TF: variants seen among roughly 807,000 people sequenced by gnomAD.
The protein encoded by TF is transferrin.
In TF, 55 loss-of-function variants were observed where a neutral mutation model predicts 82.4. The ratio of observed to expected loss-of-function variants is 0.67; its 90% CI spans 0.54 to 0.84. TF has a LOEUF of 0.84. TF is among the 40% of genes least tolerant of loss of function. The probability of loss-of-function intolerance (pLI) is 0.00; values close to 1 mark genes in which losing one functional copy is unlikely to be tolerated. For missense variants in TF, 737 were observed against 868.4 expected (o/e 0.85, Z 1.90); for synonymous variants, 332 against 332.6 (o/e 1.00, Z 0.02).
chr3:133,710,823 C>T, the TF span, among the ~76,000 whole-genome samples: 3,305 of 152,290 alleles, frequency 0.022, 38 homozygotes, highest in East Asian at 0.033. Flanking sequence ...GCAGCTCCTG[C>T]CTTCCTTCCC....
chr3:133,766,520 G>A (rs1025406853), intron 12 of TF, 87 bp downstream of exon 12: 1 of 1,564,180 alleles, frequency 6.4e-7, no homozygotes, highest in South Asian at 1.1e-5. Context: ...GGCATAAGGT[G>A]CTGTGGGCTC....
At chr3:133,769,246 C>T (rs2107928283) in intron 13 of TF, among the ~76,000 whole-genome samples, 1 of 152,268 alleles carries the variant, frequency 6.6e-6, no homozygotes, top group East Asian at 1.9e-4. Context: ...CCAGTTAGAG[C>T]CACTTTGTAA....
At chr3:133,743,602 C>G (rs1933433903), upstream of TF, among the ~76,000 whole-genome samples, 1 of 152,116 alleles carries the variant, frequency 6.6e-6, no homozygotes, top group Admixed American at 6.6e-5. Context: ...TCCTCAGTTT[C>G]CTTGTCTCAT....
At chr3:133,694,742 G>A in the TF span, among the ~76,000 whole-genome samples, 1 of 152,112 alleles carries the variant, frequency 6.6e-6, no homozygotes, top group Non-Finnish European at 1.5e-5. Flanking sequence ...CTCCCTCTCA[G>A]CCCCCTTGCA....
the TF span, among the ~76,000 whole-genome samples, chr3:133,670,807 G>A: frequency 6.6e-6 from 1 of 152,122 alleles, no homozygotes; most frequent in African/African-American, 2.4e-5. Context: ...AAATGTATGA[G>A]TAAGTGAAGG....
the TF span, among the ~76,000 whole-genome samples, chr3:133,671,035 C>G: frequency 6.6e-6 from 1 of 152,190 alleles, no homozygotes; most frequent in Non-Finnish European, 1.5e-5. Context: ...AGATACTTGG[C>G]ACAATTTGAA....
chr3:133,698,187 C>G, the TF span, among the ~76,000 whole-genome samples: 1 of 152,250 alleles, frequency 6.6e-6, no homozygotes, highest in Non-Finnish European at 1.5e-5. Flanking sequence ...CCTGCTCCCA[C>G]TCTGTAGAGT....
intron 6 of TF, 76 bp from the exon 7 acceptor site, chr3:133,756,755 T>C: frequency 6.4e-7 from 1 of 1,559,918 alleles, no homozygotes; most frequent in South Asian, 1.1e-5. Flanking sequence ...CTTTCTATGA[T>C]CAATTGAATT....
At chr3:133,699,118 G>A in the TF span, among the ~76,000 whole-genome samples, 4,678 of 152,356 alleles carry the variant, frequency 0.031, 97 homozygotes, top group Middle Eastern at 0.054. Context: ...ATGCAACAGA[G>A]CCTGGAGAGC....
the TF span, among the ~76,000 whole-genome samples, chr3:133,676,035 G>A: frequency 6.6e-6 from 1 of 152,162 alleles, no homozygotes; most frequent in Non-Finnish European, 1.5e-5. Context: ...GGGAGGAGCA[G>A]GCAGGACACA....
chr3:133,675,102 G>A, the TF span, among the ~76,000 whole-genome samples: 5 of 151,760 alleles, frequency 3.3e-5, no homozygotes, highest in African/African-American at 4.8e-5. Context: ...AAAATTAGCC[G>A]GGTGTGGTGG....
the TF span, among the ~76,000 whole-genome samples, chr3:133,715,388 G>A: frequency 6.6e-6 from 1 of 152,118 alleles, no homozygotes; most frequent in South Asian, 2.1e-4. Flanking sequence ...CTCCTACTGG[G>A]GTGAACTGGC....
At position 133,790,598 on chromosome 3, in the gene TF, G is replaced by A. The variant is rs1934807750; in HGVS notation, c.*11978G>A. On this transcript the variant is annotated 3_prime_UTR_variant, in exon 17 of 17. Transcript: ENST00000402696. ...TTTGGCTAATTAACATTTTCATAGTGAAAGCTGTTAGTCTTGATAAAAGTA... is the reference window on the plus strand; with the variant it reads ...TTTGGCTAATTAACATTTTCATAGTAAAAGCTGTTAGTCTTGATAAAAGTA... The A allele has an allele frequency of 6.6e-6, 1 of 152,228 alleles. No individual in the cohort carries two copies. Among genetic ancestry groups the A allele is most frequent in the Non-Finnish European group, 1.5e-5 (1 of 68,040 alleles). 9.4% of individuals were successfully genotyped at this position (152,228 alleles called of 1,614,324 possible). A position where few individuals can be genotyped will look rare whatever the true frequency, so the allele number is the denominator to read the frequency against.
chr3:133,754,972 C>G (rs768490868), intron 4 of TF, among the ~76,000 whole-genome samples: 1 of 152,240 alleles, frequency 6.6e-6, no homozygotes, highest in Admixed American at 6.5e-5. Context: ...GTCCACTTCT[C>G]TGGATTTCTT....
chr3:133,725,944 TATGCTGGATTAC>T, the TF span, among the ~76,000 whole-genome samples: 1 of 152,244 alleles, frequency 6.6e-6, no homozygotes, highest in African/African-American at 2.4e-5. Context: ...GTTCTGTTTA[TATGCTGGATTAC>T]ATTTATCAAT....
At chr3:133,746,373 C>A, upstream of TF, 1 of 1,533,248 alleles carries the variant, frequency 6.5e-7, no homozygotes, top group Non-Finnish European at 8.8e-7. Flanking sequence ...AATAAAGGGA[C>A]GCGGGGCGCC....
At chr3:133,732,079 GTGCACA>G in the TF span, among the ~76,000 whole-genome samples, 1 of 152,156 alleles carries the variant, frequency 6.6e-6, no homozygotes, top group Admixed American at 6.5e-5. Flanking sequence ...CTCAGGAGCT[GTGCACA>G]TGGGACTTAG....
In TF at chr3:133,793,617, A is replaced by G. The variant is rs1183314303; in HGVS notation, c.*14997A>G. The G allele has an allele frequency of 1.3e-5, 2 of 152,202 alleles. No homozygotes were observed. Among genetic ancestry groups the G allele is most frequent in the Non-Finnish European group, 2.9e-5 (2 of 68,012 alleles). 9.4% of individuals were successfully genotyped at this position (152,202 alleles called of 1,614,324 possible). A position where few individuals can be genotyped will look rare whatever the true frequency, so the allele number is the denominator to read the frequency against. Reference sequence around the variant, plus strand: ...TGAGTATATGCTATCAATCATAATTATGATTATTATGTTATTGTAGACCAC... The same window carrying G: ...TGAGTATATGCTATCAATCATAATTGTGATTATTATGTTATTGTAGACCAC... On this transcript the variant is annotated 3_prime_UTR_variant, in exon 17 of 17. Coordinates refer to ENST00000402696, the MANE Select transcript of TF (RefSeq NM_001063.4).
At chr3:133,751,487 T>TC (rs892635218) in intron 2 of TF, among the ~76,000 whole-genome samples, 13 of 152,176 alleles carry the variant, frequency 8.5e-5, no homozygotes, top group African/African-American at 2.9e-4. Flanking sequence ...CGTCTCGGCC[T>TC]CCCAAAGTTC....
Sources: allele counts gnomAD v4.1 joint callset (sites outside exome capture counted in the v4.1 genomes callset), GRCh38; gene constraint gnomAD v4.1.1; transcripts MANE v1.5; gene names NCBI Gene and HGNC (gene_info 2026-07-23, HGNC 2026-07-21).